The following KNDC1 variants were observed in gnomAD, a reference collection of about 807,000 sequenced individuals.
KNDC1 encodes the protein kinase non-catalytic C-lobe domain containing 1.
In KNDC1, 106 loss-of-function variants were observed where a neutral mutation model predicts 172.8. The ratio of observed to expected loss-of-function variants is 0.61; its 90% CI spans 0.52 to 0.72. KNDC1 has a LOEUF of 0.72. Ranked by LOEUF, KNDC1 falls within the 30% of genes least tolerant of loss-of-function variation. The pLI is 0.00. For missense variants in KNDC1, 2,325 were observed against 2,394.5 expected, an observed-to-expected ratio of 0.97 and a Z score of 0.61; for synonymous variants, 1,083 against 1,062.2, an observed-to-expected ratio of 1.02 and a Z score of -0.38.
Position 133,213,682 on chromosome 10 carries a change from A to G in KNDC1, c.4481A>G (p.Asn1494Ser). Residue 1494 changes from asparagine (N) to serine (S), a missense_variant, in exon 25 of 30, where the codon AAC becomes AGC. Coordinates refer to ENST00000304613, the MANE Select transcript of KNDC1 (RefSeq NM_152643.8). ...FQKCHPVHFL[N>S]SRALGVMDKS... The stretch of plus-strand genomic sequence containing the variant: ...AAGTGCCACCCGGTCCACTTCCTGA[A>G]CTCACGGGCCCTGGGCGTCATGGAC... 6.2e-7 allele frequency: 1 copy of G among 1,613,608 alleles called. No homozygotes were observed. The highest frequency in any genetic ancestry group is 8.5e-7 in the Non-Finnish European group (1 of 1,179,882).
At chr10:133,194,504 T>C (rs1293967496) in intron 9 of KNDC1, among the ~76,000 whole-genome samples, 1 of 152,264 alleles carries the variant, frequency 6.6e-6, no homozygotes, top group Non-Finnish European at 1.5e-5. Context: ...TATTATTTAT[T>C]AAAACTATGT....
intron 26 of KNDC1, among the ~76,000 whole-genome samples, chr10:133,216,710 GA>G (rs1163430011): frequency 6.6e-6 from 1 of 152,182 alleles, no homozygotes; most frequent in Non-Finnish European, 1.5e-5. Flanking sequence ...TTTGAAAGCA[GA>G]ATAGGGCTTT....
In KNDC1 at chr10:133,170,334, C is replaced by T. The variant is rs550544091; in HGVS notation, c.360+2022C>T. Among the ~76,000 whole-genome samples the T allele has an allele frequency of 2.6e-3, 397 of 152,220 alleles. 2 individuals are homozygous for T. Among genetic ancestry groups the T allele is most frequent in the Middle Eastern group, 6.8e-3 (2 of 294 alleles). ...GTGAGGATCGCTGGCTCCTGCAGGA[C>T]GTGGACGTGGCAGGGGCCTGGGATC... On this transcript the variant is annotated intron_variant, in intron 3 of 29. Coordinates refer to ENST00000304613, the MANE Select transcript of KNDC1 (RefSeq NM_152643.8).
intron 23 of KNDC1, among the ~76,000 whole-genome samples, chr10:133,212,499 C>T (rs1845389201): frequency 6.6e-6 from 1 of 152,246 alleles, no homozygotes; most frequent in South Asian, 2.1e-4. Flanking sequence ...ACCTCAGCGT[C>T]CTGCCCGTGG....
chr10:133,218,777 C>G (rs1003975310), intron 26 of KNDC1, 54 bp from the exon 27 acceptor site: 2 of 1,584,932 alleles, frequency 1.3e-6, no homozygotes, highest in African/African-American at 2.7e-5. Context: ...CTCAAATATT[C>G]CCTTTGTTCA....
In KNDC1 at chr10:133,168,299, G is replaced by C; in HGVS notation, c.347G>C (p.Gly116Ala). 2 of 1,614,140 alleles carry C rather than the reference G, an allele frequency of 1.2e-6. No individual in the cohort carries two copies. Among genetic ancestry groups the C allele is most frequent in the Non-Finnish European group, 1.7e-6 (2 of 1,180,000 alleles). ...GTTCCCCCCGAGTTCGACGTGACCG[G>C]GAACACCTTTGAGGTAAGTGCAGGT... ...AFVPPEFDVT[G>A]NTFEAHIYSL... is the part of the protein sequence containing the mutation. The change falls in exon 3 of 30, where the codon GGG (glycine) becomes GCG (alanine). Residue 116 changes from glycine to alanine, a missense_variant. Transcript: ENST00000304613.
At chr10:133,183,043 C>T (rs1397647324) in intron 3 of KNDC1, among the ~76,000 whole-genome samples, 1 of 143,054 alleles carries the variant, frequency 7.0e-6, no homozygotes, top group Non-Finnish European at 1.5e-5. Flanking sequence ...GCATGGGCGG[C>T]GTGGGTACAA....
chr10:133,215,111 C>T (rs1845446783), intron 26 of KNDC1, among the ~76,000 whole-genome samples: 1 of 152,222 alleles, frequency 6.6e-6, no homozygotes, highest in South Asian at 2.1e-4. Flanking sequence ...GATTACAGGG[C>T]CCCTTCCCCC....
intron 23 of KNDC1, among the ~76,000 whole-genome samples, chr10:133,212,457 C>T (rs1845388071): frequency 6.6e-6 from 1 of 152,218 alleles, no homozygotes; most frequent in Non-Finnish European, 1.5e-5. Flanking sequence ...AGGCAGAAGC[C>T]AGTGTGGGGA....
Position 133,198,747 on chromosome 10 carries a change from G to T in KNDC1, c.2239G>T (p.Gly747Trp). Residue 747 changes from glycine to tryptophan, a missense_variant, in exon 14 of 30, where the codon GGG (glycine) becomes TGG (tryptophan). Physicochemically the swap from Gly to Trp is radical, Grantham distance 184. Transcript: ENST00000304613. ...ACAGGGAGCAGCCCCAGAGCCTCTT[G>T]GGGCGTCAGTGCAGCGTGACTCAGC... is the stretch of plus-strand genomic sequence containing the variant. ...GPQGAAPEPL[G>W]ASVQRDSAQG... 2 of 1,581,034 alleles carry T rather than the reference G, an allele frequency of 1.3e-6. No individual in the cohort carries two copies. Among genetic ancestry groups the T allele is most frequent in the Non-Finnish European group, 1.7e-6 (2 of 1,164,606 alleles).
At chr10:133,188,265 T>C (rs1412787884) in intron 6 of KNDC1, among the ~76,000 whole-genome samples, 1 of 152,046 alleles carries the variant, frequency 6.6e-6, no homozygotes, top group Non-Finnish European at 1.5e-5. Flanking sequence ...CTGGGAGGTG[T>C]ATGTTGAGCT....
chr10:133,184,913 T>C (rs1853847092), intron 5 of KNDC1, among the ~76,000 whole-genome samples: 1 of 152,240 alleles, frequency 6.6e-6, no homozygotes, highest in Non-Finnish European at 1.5e-5. Context: ...GCCAGGTGGG[T>C]GCGTTACAGA....
At chr10:133,165,609 G>A (rs761770404) in intron 1 of KNDC1, among the ~76,000 whole-genome samples, 8 of 152,224 alleles carry the variant, frequency 5.3e-5, no homozygotes, top group African/African-American at 9.6e-5. Flanking sequence ...GCACGTGTGC[G>A]TGGGCATGTT....
chr10:133,181,537 G>A (rs1302761614), intron 3 of KNDC1, among the ~76,000 whole-genome samples: 1 of 152,252 alleles, frequency 6.6e-6, no homozygotes, highest in African/African-American at 2.4e-5. Context: ...CAGCGGCCGG[G>A]GGCCTGGCTG....
intron 16 of KNDC1, 27 bp downstream of exon 16, chr10:133,200,487 G>A: frequency 6.7e-7 from 1 of 1,485,828 alleles, no homozygotes; most frequent in Non-Finnish European, 9.0e-7. Context: ...CCCCGCGGCA[G>A]GAGCTCTGCT....
chr10:133,217,475 C>T (rs1356259474), intron 26 of KNDC1, among the ~76,000 whole-genome samples: 2 of 152,284 alleles, frequency 1.3e-5, no homozygotes. Flanking sequence ...CTAATCCCAG[C>T]ACTTTGGGAG....
At chr10:133,213,035 G>A in intron 24 of KNDC1, 113 bp downstream of exon 24, 1 of 949,536 alleles carries the variant, frequency 1.1e-6, no homozygotes, top group South Asian at 1.7e-5. Context: ...GGGCAGAGAA[G>A]GGGCCAGCTG....
Position 133,189,635 on chromosome 10 carries a change from C to T in KNDC1, c.1479C>T (p.Asp493=), listed in dbSNP as rs193150293. The T allele has an allele frequency of 7.9e-5, 127 of 1,613,812 alleles. No individual in the cohort carries two copies. In the East Asian group the frequency reaches 1.8e-3, roughly 22 times the overall value. The stretch of plus-strand genomic sequence containing the variant: ...TGGACTCCGTGCTGGTTGCTGAGGA[C>T]GGGGCTGTGCTCTTCCAGCCACCCC... ...LCLDSVLVAE[D]GAVLFQPPPA... is the part of the protein sequence containing the mutation. The change falls in exon 8 of 30, where the codon GAC becomes GAT. Residue 493 remains aspartate (D), a synonymous_variant. Transcript: ENST00000304613.
chr10:133,218,806 T>C (rs774118634), intron 26 of KNDC1, 25 bp from the exon 27 acceptor site: 1 of 1,606,262 alleles, frequency 6.2e-7, no homozygotes, highest in Non-Finnish European at 8.5e-7. Flanking sequence ...CAGAAGACGC[T>C]GAATGTGTCA....
Sources: allele counts gnomAD v4.1 joint callset (sites outside exome capture counted in the v4.1 genomes callset), GRCh38; gene constraint gnomAD v4.1.1; transcripts MANE v1.5; gene names NCBI Gene and HGNC (gene_info 2026-07-23, HGNC 2026-07-21).